CEMIP2: variants seen among roughly 807,000 people sequenced by gnomAD.
The protein encoded by CEMIP2 is cell surface hyaluronidase CEMIP2.
A neutral mutation model predicts 146.9 loss-of-function variants in CEMIP2; 79 were observed. The observed-to-expected ratio is 0.54, with a 90% CI of 0.45 to 0.65. The LOEUF (loss-of-function observed/expected upper bound fraction) is 0.65. Among genes scored for constraint, CEMIP2 ranks in the 30% least tolerant of loss-of-function variants. The pLI is 0.00. For synonymous variants in CEMIP2, 601 were observed against 606.3 expected, an observed-to-expected ratio of 0.99 and a Z score of 0.13; for missense variants, 1,596 against 1,696.2, an observed-to-expected ratio of 0.94 and a Z score of 1.04.
intron 20 of CEMIP2, among the ~76,000 whole-genome samples, chr9:71,695,010 G>A (rs1822352981): frequency 6.6e-6 from 1 of 152,032 alleles, no homozygotes. Flanking sequence ...GGACTACCCT[G>A]TTAAGAAACG....
In CEMIP2 at chr9:71,700,841, T is replaced by TA. The variant is rs760957102; in HGVS notation, c.3195-18dup. On this transcript the variant is annotated splice_polypyrimidine_tract_variant and intron_variant, in intron 18 of 23. Coordinates refer to ENST00000377044, the MANE Select transcript of CEMIP2 (RefSeq NM_013390.3). Reference sequence around the variant, plus strand: ...CAGTCATTCCTTTAAAGGAGAAACATAAAAAAATTAGTTTACACTTCAGCC... The same window carrying TA: ...CAGTCATTCCTTTAAAGGAGAAACATAAAAAAAATTAGTTTACACTTCAGCC... 13 of 1,590,806 alleles carry TA rather than the reference T, an allele frequency of 8.2e-6. No individual in the cohort carries two copies. The highest frequency in any genetic ancestry group is 1.4e-5 in the African/African-American group (1 of 73,374).
In CEMIP2 at chr9:71,746,351, C is replaced by T. The variant is rs1163499318; in HGVS notation, c.332-10G>A. ...TGATCTGGGCAATTTTCTATAAACA[C>T]ATTGATATTCCATCCAACCCATTAA... On this transcript the variant is annotated splice_polypyrimidine_tract_variant and intron_variant, in intron 2 of 23. Transcript: ENST00000377044. The T allele has an allele frequency of 1.9e-6, 3 of 1,613,302 alleles. No individual in the cohort carries two copies. Among genetic ancestry groups the T allele is most frequent in the South Asian group, 1.1e-5 (1 of 91,034 alleles).
At chr9:71,757,383 A>G (rs1287493800) in intron 1 of CEMIP2, among the ~76,000 whole-genome samples, 2 of 152,204 alleles carry the variant, frequency 1.3e-5, no homozygotes, top group African/African-American at 4.8e-5. Context: ...TAATTTTTTA[A>G]ACAATACTCA....
chr9:71,702,214 C>T (rs750257123), intron 18 of CEMIP2, among the ~76,000 whole-genome samples: 3 of 148,724 alleles, frequency 2.0e-5, no homozygotes, highest in Non-Finnish European at 4.4e-5. Flanking sequence ...GCCAAGATTG[C>T]ACCACTGCAT....
intron 20 of CEMIP2, among the ~76,000 whole-genome samples, chr9:71,696,588 T>C (rs1822411032): frequency 2.6e-5 from 4 of 151,948 alleles, no homozygotes; most frequent in Admixed American, 1.3e-4. Flanking sequence ...CTGGGCGATA[T>C]GGCAAAACCC....
At chr9:71,696,503 G>C (rs995523151) in intron 20 of CEMIP2, among the ~76,000 whole-genome samples, 1 of 151,958 alleles carries the variant, frequency 6.6e-6, no homozygotes, top group African/African-American at 2.4e-5. Context: ...CAGTGCAGAG[G>C]CTTACACCTG....
intron 1 of CEMIP2, among the ~76,000 whole-genome samples, chr9:71,767,304 C>A (rs1170809337): frequency 6.6e-6 from 1 of 152,156 alleles, no homozygotes; most frequent in African/African-American, 2.4e-5. Context: ...TCTCTAAATT[C>A]TTCTCACTTT....
chr9:71,729,105 G>T (rs551034845), intron 10 of CEMIP2, among the ~76,000 whole-genome samples: 2 of 151,894 alleles, frequency 1.3e-5, no homozygotes, highest in Admixed American at 1.3e-4. Flanking sequence ...CTCCCAAAGT[G>T]CTGGGATTAC....
At chr9:71,689,412 C>T (rs1373533393) in intron 22 of CEMIP2, among the ~76,000 whole-genome samples, 1 of 152,210 alleles carries the variant, frequency 6.6e-6, no homozygotes, top group Admixed American at 6.5e-5. Flanking sequence ...ACCCTGAGTT[C>T]ATCTCCTTGC....
intron 13 of CEMIP2, among the ~76,000 whole-genome samples, 184 bp from the exon 14 acceptor site, chr9:71,716,736 C>T (rs1823067693): frequency 6.6e-6 from 1 of 152,198 alleles, no homozygotes; most frequent in African/African-American, 2.4e-5. Flanking sequence ...GCACCCAGTT[C>T]AAATCCGGGC....
At chr9:71,699,704 A>C (rs987460395) in intron 19 of CEMIP2, among the ~76,000 whole-genome samples, 24 of 152,040 alleles carry the variant, frequency 1.6e-4, no homozygotes, top group African/African-American at 5.6e-4. Flanking sequence ...GCCATGTTCT[A>C]CCATGCCCCC....
At position 71,733,853 on chromosome 9, in the gene CEMIP2, T is replaced by A. The variant is rs867670240; in HGVS notation, c.1393+953A>T. Among the ~76,000 whole-genome samples, 18 of 152,172 alleles carry A rather than the reference T, an allele frequency of 1.2e-4. No homozygotes were observed. In the Middle Eastern group the frequency reaches 0.01, roughly 86 times the overall value. ...TAAGAATTTCTTTGTGTAGTCTTTTTTTTTTTTTGAGACGCAGTCTCGCTC... is the reference window on the plus strand; with the variant it reads ...TAAGAATTTCTTTGTGTAGTCTTTTATTTTTTTTGAGACGCAGTCTCGCTC... On this transcript the variant is annotated intron_variant, in intron 6 of 23. Transcript: ENST00000377044.
chr9:71,705,166 A>G (rs1439908284), intron 17 of CEMIP2, among the ~76,000 whole-genome samples: 1 of 152,182 alleles, frequency 6.6e-6, no homozygotes, highest in East Asian at 1.9e-4. Context: ...GTGAAAACTG[A>G]TATCCTCTAC....
chr9:71,688,607 C>T (rs750623257), intron 22 of CEMIP2, among the ~76,000 whole-genome samples: 22 of 151,726 alleles, frequency 1.4e-4, no homozygotes, highest in Non-Finnish European at 2.5e-4. Flanking sequence ...AGGCTGGTCT[C>T]GAACTCCTGA....
chr9:71,698,293 A>G, intron 19 of CEMIP2, 89 bp from the exon 20 acceptor site: 1 of 1,007,578 alleles, frequency 9.9e-7, no homozygotes, highest in Admixed American at 2.3e-5. Context: ...CAAAAGGGAT[A>G]TTCCTCCAAT....
intron 10 of CEMIP2, among the ~76,000 whole-genome samples, chr9:71,726,578 A>G (rs1462882311): frequency 1.3e-5 from 2 of 152,232 alleles, no homozygotes; most frequent in African/African-American, 4.8e-5. Flanking sequence ...CTAATAAGAA[A>G]GATAGAGATA....
chr9:71,762,503 C>CAAAAAAAAAAAAAAAAAAAAAAAAAAAA (rs58090104), intron 1 of CEMIP2, among the ~76,000 whole-genome samples: 1 of 79,734 alleles, frequency 1.3e-5, no homozygotes, highest in African/African-American at 5.2e-5. Context: ...GCCCCGTCAC[C>CAAAAAAAAAAAAAAAAAAAAAAAAAAAA]AAAAAAAAAA....
intron 11 of CEMIP2, among the ~76,000 whole-genome samples, chr9:71,724,272 C>A (rs1320193345): frequency 6.6e-6 from 1 of 150,714 alleles, no homozygotes; most frequent in Non-Finnish European, 1.5e-5. Flanking sequence ...CTAGCCTGGG[C>A]GACAGAGCAA....
intron 22 of CEMIP2, among the ~76,000 whole-genome samples, chr9:71,689,562 C>G (rs988494958): frequency 2.0e-5 from 3 of 152,196 alleles, no homozygotes; most frequent in African/African-American, 7.2e-5. Flanking sequence ...AATCAATTTA[C>G]TCTTTTCCAG....
Sources: gnomAD v4.1 joint callset for allele counts (sites outside exome capture counted in the v4.1 genomes callset) on GRCh38, gnomAD v4.1.1 for gene constraint, MANE v1.5 for transcripts, NCBI Gene and HGNC (gene_info 2026-07-23, HGNC 2026-07-21) for gene names.